Variants in NRXN3 observed in about 807,000 individuals in gnomAD.
The protein encoded by NRXN3 is neurexin III.
Under a neutral mutation model 137.6 loss-of-function variants are expected in NRXN3, and 32 were observed. The ratio of observed to expected loss-of-function variants is 0.23; its 90% CI spans 0.18 to 0.31. NRXN3 has a LOEUF of 0.31. NRXN3 is among the 10% of genes least tolerant of loss of function. The pLI, the probability that NRXN3 is intolerant of heterozygous loss-of-function variation, is 1.00. For missense variants in NRXN3, 1,574 were observed against 2,062.5 expected, an observed-to-expected ratio of 0.76 and a Z score of 4.59; for synonymous variants, 798 against 784.5, an observed-to-expected ratio of 1.02 and a Z score of -0.29.
At chr14:79,151,732 C>A (rs1392545634) in intron 15 of NRXN3, among the ~76,000 whole-genome samples, 2 of 151,964 alleles carry the variant, frequency 1.3e-5, no homozygotes, top group African/African-American at 4.8e-5. Context: ...TGGGGTAGAT[C>A]TAGACACCGT....
intron 1 of NRXN3, among the ~76,000 whole-genome samples, chr14:78,221,672 C>A (rs1447875017): frequency 6.6e-6 from 1 of 152,160 alleles, no homozygotes; most frequent in Non-Finnish European, 1.5e-5. Flanking sequence ...AGTGATCTTG[C>A]ACCTGCAGTT....
intron 4 of NRXN3, among the ~76,000 whole-genome samples, chr14:78,521,265 A>G (rs1052838754): frequency 2.6e-5 from 4 of 152,104 alleles, no homozygotes; most frequent in Admixed American, 2.6e-4. Flanking sequence ...GCCAATTAGA[A>G]AATAATTGCT....
rs1424286500 is a variant in NRXN3 at position 79,764,172 on chromosome 14, G to GA, written c.4015-40940_4015-40939insA. 6.8e-5 allele frequency among the ~76,000 whole-genome samples: 10 copies of GA among 146,868 alleles called. No individual in the cohort carries two copies. In the East Asian group the frequency reaches 1.8e-3, roughly 27 times the overall value. On this transcript the variant is annotated intron_variant, in intron 19 of 20. Coordinates refer to ENST00000335750, the MANE Select transcript of NRXN3 (RefSeq NM_001330195.2). The stretch of plus-strand genomic sequence containing the variant: ...TCTTTTTCTTTTGGTGGGTGGGGGG[G>GA]GTGTTAAGATCTTATTCTCAGTCCT...
chr14:79,463,151 T>G (rs545468994), intron 15 of NRXN3, among the ~76,000 whole-genome samples: 1 of 152,308 alleles, frequency 6.6e-6, no homozygotes, highest in East Asian at 1.9e-4. Flanking sequence ...AATTATATTC[T>G]AATACAATAA....
intron 4 of NRXN3, among the ~76,000 whole-genome samples, chr14:78,545,553 A>G (rs2096629794): frequency 6.6e-6 from 1 of 152,162 alleles, no homozygotes; most frequent in Non-Finnish European, 1.5e-5. Flanking sequence ...CAAGTTTTTC[A>G]GGTCATTGTT....
chr14:78,238,835 ACTGAAGGAATGGGGAGGCTCAGC>A (rs1255324912), intron 1 of NRXN3, among the ~76,000 whole-genome samples: 2 of 152,160 alleles, frequency 1.3e-5, no homozygotes, highest in Non-Finnish European at 2.9e-5. Context: ...AGGATGAGGG[ACTGAAGGAATGGGGAGGCTCAGC>A]CTGGAAGGGG....
intron 20 of NRXN3, among the ~76,000 whole-genome samples, chr14:79,842,650 T>G (rs2099358487): frequency 6.6e-6 from 1 of 152,198 alleles, no homozygotes. Flanking sequence ...GAATACAACA[T>G]GATTCTATGA....
intron 7 of NRXN3, chr14:78,709,910 T>C: frequency 6.4e-6 from 3 of 472,100 alleles, no homozygotes; most frequent in Non-Finnish European, 1.1e-5. Flanking sequence ...GAGCTAAGGA[T>C]GGTTTTACAA....
At position 79,516,810 on chromosome 14, in the gene NRXN3, T is replaced by C. The variant is rs561268164; in HGVS notation, c.3444+49408T>C. 3.3e-3 allele frequency among the ~76,000 whole-genome samples: 503 copies of C among 152,312 alleles called. 3 individuals are homozygous for C. In the Middle Eastern group the frequency reaches 0.037, roughly 11 times the overall value. ...TTCTTCTCTTTTAATATATCACAGC[T>C]GCCTTACCGTATCAGAACAAAGAGA... is the stretch of plus-strand genomic sequence containing the variant. On this transcript the variant is annotated intron_variant, in intron 16 of 20. Transcript: ENST00000335750.
At chr14:78,642,949 G>A (rs148563452) in intron 4 of NRXN3, among the ~76,000 whole-genome samples, 1 of 152,280 alleles carries the variant, frequency 6.6e-6, no homozygotes, top group East Asian at 1.9e-4. Flanking sequence ...AGGTGAACAG[G>A]TCTCTTTTGC....
intron 8 of NRXN3, among the ~76,000 whole-genome samples, chr14:78,798,763 T>C (rs1328592616): frequency 1.3e-5 from 2 of 152,214 alleles, no homozygotes; most frequent in African/African-American, 4.8e-5. Flanking sequence ...CTCCCAAACC[T>C]CAGTTCTTGA....
intron 20 of NRXN3, among the ~76,000 whole-genome samples, chr14:79,832,401 C>G (rs2099326657): frequency 6.6e-6 from 1 of 152,104 alleles, no homozygotes. Context: ...CTCAATAGAG[C>G]CAGTAATAAC....
chr14:79,076,169 T>C (rs751481360), intron 15 of NRXN3, among the ~76,000 whole-genome samples: 17 of 152,184 alleles, frequency 1.1e-4, no homozygotes, highest in Non-Finnish European at 1.6e-4. Flanking sequence ...ACCTCAACTA[T>C]TGATTCCCAG....
chr14:78,773,202 A>G (rs2098733890), intron 8 of NRXN3, among the ~76,000 whole-genome samples: 1 of 152,170 alleles, frequency 6.6e-6, no homozygotes, highest in Admixed American at 6.5e-5. Context: ...TTGTGTGATG[A>G]CTTATTGCTA....
chr14:79,294,917 C>T (rs1020885601), intron 15 of NRXN3, among the ~76,000 whole-genome samples: 3 of 152,234 alleles, frequency 2.0e-5, no homozygotes, highest in Admixed American at 6.5e-5. Context: ...ACCATATCAC[C>T]TAAACAGTTG....
intron 15 of NRXN3, among the ~76,000 whole-genome samples, chr14:79,059,162 T>C (rs1211238911): frequency 6.6e-6 from 1 of 152,060 alleles, no homozygotes; most frequent in Non-Finnish European, 1.5e-5. Flanking sequence ...TGTTGTAGTA[T>C]CATCTTCTAT....
At chr14:78,225,872 C>T (rs913440377) in intron 1 of NRXN3, among the ~76,000 whole-genome samples, 2 of 152,106 alleles carry the variant, frequency 1.3e-5, no homozygotes, top group African/African-American at 4.8e-5. Context: ...GTCTATCTCT[C>T]CTCACCCACT....
chr14:79,290,486 A>G (rs554394901), intron 15 of NRXN3, among the ~76,000 whole-genome samples: 20 of 152,284 alleles, frequency 1.3e-4, no homozygotes, highest in African/African-American at 4.8e-4. Flanking sequence ...TAATCATCCC[A>G]AACACCAAAG....
intron 10 of NRXN3, among the ~76,000 whole-genome samples, chr14:78,855,550 G>A (rs950862323): frequency 6.6e-6 from 1 of 151,994 alleles, no homozygotes; most frequent in Non-Finnish European, 1.5e-5. Flanking sequence ...CATCTAAAAG[G>A]GTGGCATTTA....
Sources: gnomAD v4.1 joint callset for allele counts (sites outside exome capture counted in the v4.1 genomes callset) on GRCh38, gnomAD v4.1.1 for gene constraint, MANE v1.5 for transcripts, NCBI Gene and HGNC (gene_info 2026-07-23, HGNC 2026-07-21) for gene names.